The following PRDM6 variants were observed in gnomAD, a reference collection of about 807,000 sequenced individuals.
The protein encoded by PRDM6 is PR/SET domain 6.
A neutral mutation model predicts 60.8 loss-of-function variants in PRDM6; 25 were observed. The ratio of observed to expected loss-of-function variants is 0.41; its 90% confidence interval spans 0.30 to 0.57. The LOEUF is 0.57. Ranked by LOEUF, PRDM6 falls within the 20% of genes least tolerant of loss-of-function variation. The probability of loss-of-function intolerance (pLI) is 0.27; values close to 1 mark genes in which losing one functional copy is unlikely to be tolerated. For missense variants in PRDM6, 839 were observed against 821.3 expected (o/e 1.02, Z -0.26); for synonymous variants, 407 against 357.4 (o/e 1.14, Z -1.57).
In PRDM6 at chr5:123,134,997, T is replaced by TAAAAAA. The variant is rs113763871; in HGVS notation, c.901-20882_901-20877dup. ...GCATTAAAAAGAGCAAAAGTATTCT[T>TAAAAAA]AAAAAAAAAACCCAAGTCACTGATC... On this transcript the variant is annotated intron_variant, in intron 3 of 7. Coordinates refer to ENST00000407847, the MANE Select transcript of PRDM6 (RefSeq NM_001136239.4). Among the ~76,000 whole-genome samples the TAAAAAA allele has an allele frequency of 5.5e-3, 815 of 148,136 alleles. 4 individuals carry two copies. Among genetic ancestry groups the TAAAAAA allele is most frequent in the Admixed American group, 7.3e-3 (110 of 14,992 alleles).
intron 7 of PRDM6, among the ~76,000 whole-genome samples, chr5:123,183,751 A>C (rs995384136): frequency 6.6e-6 from 1 of 152,180 alleles, no homozygotes; most frequent in African/African-American, 2.4e-5. Flanking sequence ...GGAAGGAAGG[A>C]AATAAAGAAG....
intron 3 of PRDM6, among the ~76,000 whole-genome samples, chr5:123,108,083 C>T (rs335144): frequency 0.19 from 29,355 of 151,988 alleles, 2,982 homozygotes; most frequent in African/African-American, 0.21. Flanking sequence ...TTCCCAGTGC[C>T]TCTGTACATT....
At chr5:123,173,093 A>C (rs1765931362) in intron 6 of PRDM6, among the ~76,000 whole-genome samples, 1 of 151,810 alleles carries the variant, frequency 6.6e-6, no homozygotes. Context: ...TGGGACGCTG[A>C]GGCAGGAGAA....
At chr5:123,122,266 T>C (rs562373146) in intron 3 of PRDM6, among the ~76,000 whole-genome samples, 1 of 151,898 alleles carries the variant, frequency 6.6e-6, no homozygotes, top group South Asian at 2.1e-4. Flanking sequence ...TTATAAATGT[T>C]CTAGTGGGGA....
At chr5:123,154,612 G>A (rs1006848999) in intron 3 of PRDM6, among the ~76,000 whole-genome samples, 8 of 152,214 alleles carry the variant, frequency 5.3e-5, no homozygotes, top group Admixed American at 1.3e-4. Context: ...CCCCTCCCCC[G>A]GAATAGAACT....
intron 3 of PRDM6, among the ~76,000 whole-genome samples, chr5:123,121,006 T>C (rs1764567430): frequency 2.7e-5 from 4 of 149,542 alleles, no homozygotes. Flanking sequence ...GGGCTTAATA[T>C]TGTTGTTTTA....
In PRDM6 at chr5:123,170,897, A is replaced by C; in HGVS notation, c.1285A>C (p.Asn429His). Reference sequence around the variant, plus strand: ...TTTCCCCCAGACTCCGTGCAGCAGGAACTTCTCTCTTCTGGATAAGTCTGG... The same window carrying C: ...TTTCCCCCAGACTCCGTGCAGCAGGCACTTCTCTCTTCTGGATAAGTCTGG... The part of the protein sequence containing the change: ...VVFPQTPCSR[N>H]FSLLDKSGPI... The change falls in exon 6 of 8, where the codon AAC (asparagine) becomes CAC (histidine). Residue 429 changes from asparagine (N) to histidine (H), a missense_variant. Physicochemically the swap from Asn to His is moderately conservative, Grantham distance 68. Around this residue, in one of 2 missense-constraint regions of PRDM6, gnomAD observed 730 missense variants for 648.8 expected, o/e 1.13. Coordinates refer to ENST00000407847, the MANE Select transcript of PRDM6 (RefSeq NM_001136239.4). 1 of 1,552,202 alleles carries C rather than the reference A, an allele frequency of 6.4e-7. No homozygotes were observed. Among genetic ancestry groups the C allele is most frequent in the Non-Finnish European group, 8.7e-7 (1 of 1,147,098 alleles).
intron 3 of PRDM6, among the ~76,000 whole-genome samples, chr5:123,110,414 A>C (rs1490159005): frequency 1.3e-5 from 2 of 151,194 alleles, no homozygotes; most frequent in South Asian, 2.1e-4. Flanking sequence ...AGCTGCCACC[A>C]CGCCTGGTTA....
intron 5 of PRDM6, among the ~76,000 whole-genome samples, chr5:123,163,124 T>C (rs1481721416): frequency 6.6e-6 from 1 of 152,178 alleles, no homozygotes; most frequent in Non-Finnish European, 1.5e-5. Flanking sequence ...AGCCTCTTTA[T>C]AGGGCTCTGC....
intron 5 of PRDM6, 137 bp downstream of exon 5, chr5:123,159,775 C>T (rs1288290708): frequency 1.7e-5 from 15 of 867,646 alleles, no homozygotes; most frequent in Admixed American, 8.1e-5. Flanking sequence ...TCTATTCCAT[C>T]GTTTTCTTTT....
chr5:123,117,297 A>G (rs551847069), intron 3 of PRDM6, among the ~76,000 whole-genome samples: 3 of 152,316 alleles, frequency 2.0e-5, no homozygotes, highest in Non-Finnish European at 2.9e-5. Flanking sequence ...AAGGCAATAA[A>G]CATACCCATA....
At chr5:123,172,474 C>T (rs920268571) in intron 6 of PRDM6, among the ~76,000 whole-genome samples, 21 of 152,046 alleles carry the variant, frequency 1.4e-4, no homozygotes, top group Non-Finnish European at 2.4e-4. Context: ...GTACTATTGG[C>T]GTAGAGGTGA....
intron 3 of PRDM6, among the ~76,000 whole-genome samples, chr5:123,109,203 A>AG (rs74606731): frequency 0.81 from 123,300 of 152,016 alleles, 50,324 homozygotes; most frequent in Middle Eastern, 0.9. Context: ...TAACAAAAAA[A>AG]GATCAAGTAT....
chr5:123,185,197 C>G (rs1766257583), intron 7 of PRDM6, among the ~76,000 whole-genome samples: 2 of 152,078 alleles, frequency 1.3e-5, no homozygotes, highest in South Asian at 4.1e-4. Context: ...CTCGTGTATT[C>G]CTCATATTCT....
chr5:123,164,629 A>G (rs1049907464), intron 5 of PRDM6, among the ~76,000 whole-genome samples: 7 of 152,222 alleles, frequency 4.6e-5, no homozygotes, highest in Non-Finnish European at 7.3e-5. Context: ...GACTCCAACA[A>G]GAAGGCAGCA....
intron 3 of PRDM6, among the ~76,000 whole-genome samples, chr5:123,147,629 C>T (rs1015373595): frequency 5.3e-5 from 8 of 152,110 alleles, no homozygotes; most frequent in African/African-American, 1.2e-4. Context: ...TCAAAGAGGG[C>T]GGGTCTCACC....
intron 3 of PRDM6, among the ~76,000 whole-genome samples, chr5:123,112,293 C>T (rs1251523360): frequency 2.6e-5 from 4 of 152,172 alleles, no homozygotes; most frequent in African/African-American, 4.8e-5. Flanking sequence ...CTGCATCCAG[C>T]GACACTGGCC....
In PRDM6 at chr5:123,090,312, G is replaced by A; in HGVS notation, c.298G>A (p.Ala100Thr). Residue 100 changes from alanine (A) to threonine (T), a missense_variant, in exon 2 of 8, where the codon GCC becomes ACC. Physicochemically the swap from Ala to Thr is moderately conservative, Grantham distance 58. Transcript: ENST00000407847. ...ASSASSCAAA[A>T]AAAALAGLSA... is the part of the protein sequence containing the mutation. ...CTCCGCCTCCTCCTGCGCTGCTGCGGCCGCTGCCGCCGCGCTGGCTGGTCT... is the reference window on the plus strand; with the variant it reads ...CTCCGCCTCCTCCTGCGCTGCTGCGACCGCTGCCGCCGCGCTGGCTGGTCT... The A allele has an allele frequency of 6.8e-7, 1 of 1,476,976 alleles. No homozygotes were observed. Among genetic ancestry groups the A allele is most frequent in the Non-Finnish European group, 9.0e-7 (1 of 1,114,626 alleles). 91.5% of individuals were successfully genotyped at this position (1,476,976 alleles called of 1,614,324 possible).
chr5:123,172,749 GA>G lies in PRDM6; in HGVS notation c.1496+1646del, dbSNP rs572358651. Among the ~76,000 whole-genome samples, 19 of 152,278 alleles carry G rather than the reference GA, an allele frequency of 1.2e-4. No individual in the cohort carries two copies. The South Asian group carries it at 3.9e-3, about 32-fold the overall frequency. Reference sequence around the variant, plus strand: ...TACCAGGTAAAATAAAATAATAGTTGAAAAATTTCTGGATAGTAGAACTTTA... The same window carrying G: ...TACCAGGTAAAATAAAATAATAGTTGAAAATTTCTGGATAGTAGAACTTTA... On this transcript the variant is annotated intron_variant, in intron 6 of 7. Coordinates refer to ENST00000407847, the MANE Select transcript of PRDM6 (RefSeq NM_001136239.4).
Sources: allele counts gnomAD v4.1 joint callset (sites outside exome capture counted in the v4.1 genomes callset), GRCh38; gene constraint gnomAD v4.1.1; regional missense constraint gnomAD v4.1.1; transcripts MANE v1.5; gene names NCBI Gene and HGNC (gene_info 2026-07-23, HGNC 2026-07-21).